TFDP2: variants seen among roughly 807,000 people sequenced by gnomAD.
The protein encoded by TFDP2 is transcription factor Dp-2, also known as transcription factor Dp-2 (E2F dimerization partner 2).
In TFDP2, 17 loss-of-function variants were observed where a neutral mutation model predicts 59.3. That is an observed-to-expected ratio of 0.29 (90% CI 0.20 to 0.43). The LOEUF (loss-of-function observed/expected upper bound fraction) is 0.43, where lower values mean the gene tolerates loss of function less well. Among genes scored for constraint, TFDP2 ranks in the 20% least tolerant of loss-of-function variants. The pLI, the probability that TFDP2 is intolerant of heterozygous loss-of-function variation, is 1.00. For missense variants in TFDP2, 391 were observed against 528.8 expected (o/e 0.74, Z 2.56); for synonymous variants, 180 against 194.7 (o/e 0.92, Z 0.63).
rs185374597 is a variant in TFDP2 at position 142,051,101 on chromosome 3, A to G, written c.82+41960T>C. On this transcript the variant is annotated intron_variant, in intron 3 of 12. Transcript: ENST00000489671. Reference sequence around the variant, plus strand: ...TATGCAGCTACAGCAGAGTTTCTCAACCTTGGCACTACTGACATTTTGGAC... The same window carrying G: ...TATGCAGCTACAGCAGAGTTTCTCAGCCTTGGCACTACTGACATTTTGGAC... 7.5e-3 allele frequency among the ~76,000 whole-genome samples: 1,149 copies of G among 152,310 alleles called. 12 individuals carry two copies. The highest frequency in any genetic ancestry group is 0.025 in the African/African-American group (1,025 of 41,558).
intron 4 of TFDP2, among the ~76,000 whole-genome samples, chr3:142,004,429 G>A (rs901774018): frequency 6.6e-6 from 1 of 152,180 alleles, no homozygotes; most frequent in Non-Finnish European, 1.5e-5. Context: ...TAGATGAAAA[G>A]ATGAAAACAC....
Position 141,950,266 on chromosome 3 carries a change from T to A in TFDP2, c.*2247A>T, listed in dbSNP as rs1188371417. ...AAGGCAAGATTTTACTCCAGCGACA[T>A]GTACTGGTGACCATGATGTCACTCT... On this transcript the variant is annotated 3_prime_UTR_variant, in exon 13 of 13. Transcript: ENST00000489671. 1 of 152,184 alleles carries A rather than the reference T, an allele frequency of 6.6e-6. No homozygotes were observed. Among genetic ancestry groups the A allele is most frequent in the Non-Finnish European group, 1.5e-5 (1 of 68,046 alleles). 9.4% of individuals were successfully genotyped at this position (152,184 alleles called of 1,614,324 possible).
chr3:141,982,098 T>C (rs1463513554), intron 6 of TFDP2, among the ~76,000 whole-genome samples: 2 of 152,178 alleles, frequency 1.3e-5, no homozygotes, highest in Non-Finnish European at 2.9e-5. Flanking sequence ...TGAATTGAGA[T>C]ATGTCGTAAG....
At chr3:141,965,593 G>GAAGGAAAGGAAAGGAAAGGA (rs372030999) in intron 9 of TFDP2, among the ~76,000 whole-genome samples, 2 of 145,176 alleles carry the variant, frequency 1.4e-5, no homozygotes, top group African/African-American at 5.2e-5. Flanking sequence ...AAGGAAAGGG[G>GAAGGAAAGGAAAGGAAAGGA]AAGGAAAGGA....
At chr3:142,093,731 G>A (rs190436520) in intron 2 of TFDP2, among the ~76,000 whole-genome samples, 20 of 152,266 alleles carry the variant, frequency 1.3e-4, no homozygotes, top group Admixed American at 1.0e-3. Context: ...CAATGCAGAA[G>A]TAAAATACAT....
At chr3:142,066,584 T>C (rs2108531473) in intron 3 of TFDP2, among the ~76,000 whole-genome samples, 1 of 152,292 alleles carries the variant, frequency 6.6e-6, no homozygotes, top group East Asian at 1.9e-4. Flanking sequence ...AAAGTATGGT[T>C]TCTACTGAAT....
At position 142,148,565 on chromosome 3, in the gene TFDP2, A is replaced by C. The variant is rs2108766508; in HGVS notation, c.-93+618T>G. Among the ~76,000 whole-genome samples the C allele has an allele frequency of 2.0e-5, 3 of 152,322 alleles. No homozygotes were observed. The Middle Eastern group carries it at 0.01, about 518-fold the overall frequency. On this transcript the variant is annotated intron_variant, in intron 1 of 12. Coordinates refer to ENST00000489671, the MANE Select transcript of TFDP2 (RefSeq NM_001178139.2). The stretch of plus-strand genomic sequence containing the variant: ...AGAAACCGAGATCACACAATGGGAG[A>C]TAGCACAGGCTGGTAAGAGAGACTG...
At chr3:141,969,127 T>A (rs531251401) in intron 9 of TFDP2, among the ~76,000 whole-genome samples, 1 of 82,500 alleles carries the variant, frequency 1.2e-5, no homozygotes, top group Non-Finnish European at 2.2e-5. Context: ...GATATATATA[T>A]AACATATATA....
chr3:142,010,023 GT>G (rs1944533203), intron 3 of TFDP2, among the ~76,000 whole-genome samples: 3 of 152,056 alleles, frequency 2.0e-5, no homozygotes, highest in Non-Finnish European at 2.9e-5. Flanking sequence ...TCCTCACCAT[GT>G]TACAGAATTC....
intron 2 of TFDP2, among the ~76,000 whole-genome samples, chr3:142,099,173 G>A (rs546759552): frequency 1.3e-5 from 2 of 152,236 alleles, no homozygotes; most frequent in Admixed American, 1.3e-4. Flanking sequence ...AGTAACATGT[G>A]ACACAATTGA....
intron 6 of TFDP2, among the ~76,000 whole-genome samples, chr3:141,990,800 G>A (rs1942681566): frequency 6.6e-6 from 1 of 152,138 alleles, no homozygotes; most frequent in South Asian, 2.1e-4. Flanking sequence ...GCTCATGCCT[G>A]TAATCCCAAT....
intron 3 of TFDP2, among the ~76,000 whole-genome samples, chr3:142,080,169 T>A (rs2060587476): frequency 6.6e-6 from 1 of 152,164 alleles, no homozygotes; most frequent in East Asian, 1.9e-4. Flanking sequence ...TTTGCCATGT[T>A]GGCCAGGCTG....
Position 142,072,686 on chromosome 3 carries a change from C to A in TFDP2, c.82+20375G>T, listed in dbSNP as rs928056020. ...TGTGTCCAAGGGACACGGAAACCAA[C>A]TGAAAGAGCTTCCAATGGCCATATC... On this transcript the variant is annotated intron_variant, in intron 3 of 12. Coordinates refer to ENST00000489671, the MANE Select transcript of TFDP2 (RefSeq NM_001178139.2). 2.0e-5 allele frequency among the ~76,000 whole-genome samples: 3 copies of A among 152,218 alleles called. 1 individual carries two copies. In the East Asian group the frequency reaches 5.8e-4, roughly 29 times the overall value.
chr3:142,124,665 T>C (rs751592624), intron 1 of TFDP2, among the ~76,000 whole-genome samples: 1 of 152,142 alleles, frequency 6.6e-6, no homozygotes, highest in East Asian at 1.9e-4. Context: ...TTTCTAAATA[T>C]GAAACCAAGC....
rs1223900505 is a variant in TFDP2, at chr3:142,131,053, C to CAA, written c.-93+18128_-93+18129dup. Among the ~76,000 whole-genome samples the CAA allele has an allele frequency of 8.8e-3, 699 of 79,340 alleles. 31 individuals carry two copies. Among genetic ancestry groups the CAA allele is most frequent in the African/African-American group, 0.029 (598 of 20,870 alleles). The allele number at this position is 79,340 out of a possible 152,430, so 52.1% of individuals were successfully genotyped here. Reference sequence around the variant, plus strand: ...GGGCAACAAGAGCGAAACTACGTCTCAAAAAAAAAAAAAAAAGGGAAAACA... The same window carrying CAA: ...GGGCAACAAGAGCGAAACTACGTCTCAAAAAAAAAAAAAAAAAAGGGAAAACA... On this transcript the variant is annotated intron_variant, in intron 1 of 12. Coordinates refer to ENST00000489671, the MANE Select transcript of TFDP2 (RefSeq NM_001178139.2).
chr3:141,973,123 A>ATATATATATATATTTTTTTT, intron 8 of TFDP2, among the ~76,000 whole-genome samples: 2 of 58,030 alleles, frequency 3.4e-5, no homozygotes, highest in Non-Finnish European at 7.4e-5. Flanking sequence ...ATATATATAT[A>ATATATATATATATTTTTTTT]TTTTTTTTTT....
At chr3:142,042,042 T>C (rs920161624) in intron 3 of TFDP2, among the ~76,000 whole-genome samples, 2 of 152,228 alleles carry the variant, frequency 1.3e-5, no homozygotes, top group Non-Finnish European at 2.9e-5. Flanking sequence ...CAATAACACA[T>C]TATCTTGATT....
rs1938543168 is a variant in TFDP2, at chr3:141,968,377, ATATC to A, written c.732+1692_732+1695del. 1.8e-5 allele frequency among the ~76,000 whole-genome samples: 2 copies of A among 110,498 alleles called. 1 individual carries two copies. Among genetic ancestry groups the A allele is most frequent in the Admixed American group, 2.2e-4 (2 of 9,204 alleles). 72.5% of individuals were successfully genotyped at this position (110,498 alleles called of 152,430 possible). ...ATAACATATATCTCATATATAACAT[ATATC>A]TCATATATATAACATATATATCATA... On this transcript the variant is annotated intron_variant, in intron 9 of 12. Transcript: ENST00000489671.
At chr3:142,005,955 T>C (rs1169410051) in intron 3 of TFDP2, among the ~76,000 whole-genome samples, 3 of 152,092 alleles carry the variant, frequency 2.0e-5, no homozygotes, top group Non-Finnish European at 4.4e-5. Context: ...AAACATAACA[T>C]GAAAAGTAAA....
Sources: gnomAD v4.1 joint callset for allele counts (sites outside exome capture counted in the v4.1 genomes callset) on GRCh38, gnomAD v4.1.1 for gene constraint, MANE v1.5 for transcripts, NCBI Gene and HGNC (gene_info 2026-07-23, HGNC 2026-07-21) for gene names.